The following LRMDA variants were observed in gnomAD, a reference collection of about 807,000 sequenced individuals.
LRMDA encodes the protein leucine rich melanocyte differentiation associated, also known as leucine-rich melanocyte differentiation-associated protein.
In LRMDA, 18 loss-of-function variants were observed where a neutral mutation model predicts 29.8. That is an observed-to-expected ratio of 0.60 (90% confidence interval 0.42 to 0.90). The LOEUF (loss-of-function observed/expected upper bound fraction) is 0.90. Among genes scored for constraint, LRMDA ranks in the 40% least tolerant of loss-of-function variants. The probability of loss-of-function intolerance (pLI) is 0.00; values close to 1 mark genes in which losing one functional copy is unlikely to be tolerated. For synonymous variants in LRMDA, 125 were observed against 109.4 expected, an observed-to-expected ratio of 1.14 and a Z score of -0.89; for missense variants, 273 against 273.9, an observed-to-expected ratio of 1.00 and a Z score of 0.02.
At chr10:75,506,010 T>C (rs1845165155) in intron 2 of LRMDA, among the ~76,000 whole-genome samples, 1 of 152,182 alleles carries the variant, frequency 6.6e-6, no homozygotes, top group Non-Finnish European at 1.5e-5. Flanking sequence ...AGTTTCATAG[T>C]GAGAAAACCT....
At chr10:75,951,064 A>G (rs1296027711) in intron 2 of LRMDA, among the ~76,000 whole-genome samples, 1 of 152,140 alleles carries the variant, frequency 6.6e-6, no homozygotes, top group Non-Finnish European at 1.5e-5. Flanking sequence ...TCCACGTGTC[A>G]TTCCTGGCAG....
At chr10:75,991,675 G>A (rs1847372610) in intron 2 of LRMDA, among the ~76,000 whole-genome samples, 1 of 152,368 alleles carries the variant, frequency 6.6e-6, no homozygotes, top group South Asian at 2.1e-4. Context: ...ACCTACTAGA[G>A]TTGATGAGTG....
At chr10:75,887,426 G>A (rs988026833) in intron 2 of LRMDA, among the ~76,000 whole-genome samples, 1 of 152,074 alleles carries the variant, frequency 6.6e-6, no homozygotes, top group Non-Finnish European at 1.5e-5. Context: ...GAGTGTTGAC[G>A]GAGGCCTGGG....
chr10:75,966,780 G>T (rs1436345733), intron 2 of LRMDA, among the ~76,000 whole-genome samples: 1 of 152,156 alleles, frequency 6.6e-6, no homozygotes, highest in East Asian at 1.9e-4. Flanking sequence ...TTGGTTTTGT[G>T]ACCTTGGGCA....
rs1005281040 is a variant in LRMDA at position 75,636,217 on chromosome 10, A to G, written c.131+197723A>G. On this transcript the variant is annotated intron_variant, in intron 2 of 6. Coordinates refer to ENST00000611255, the MANE Select transcript of LRMDA (RefSeq NM_001305581.2). ...ATATTGCATGGAACTTTCCTGCATA[A>G]GCTTTAGATTCAGACCTGAATTCAA... Among the ~76,000 whole-genome samples the G allele has an allele frequency of 2.0e-5, 3 of 152,360 alleles. No individual in the cohort carries two copies. In the South Asian group the frequency reaches 6.2e-4, roughly 32 times the overall value.
At chr10:75,847,207 G>T (rs1442886905) in intron 2 of LRMDA, among the ~76,000 whole-genome samples, 1 of 152,154 alleles carries the variant, frequency 6.6e-6, no homozygotes, top group Non-Finnish European at 1.5e-5. Context: ...ACCATTGTGT[G>T]TATGGTCAAA....
At chr10:76,439,409 T>C (rs1842278034) in intron 6 of LRMDA, among the ~76,000 whole-genome samples, 1 of 152,180 alleles carries the variant, frequency 6.6e-6, no homozygotes, top group Non-Finnish European at 1.5e-5. Flanking sequence ...TGTGGTTGGG[T>C]TGAGGGTGCA....
chr10:75,871,347 A>G (rs1213955870), intron 2 of LRMDA, among the ~76,000 whole-genome samples: 2 of 152,128 alleles, frequency 1.3e-5, no homozygotes, highest in Non-Finnish European at 2.9e-5. Flanking sequence ...GCCTGTGCAT[A>G]AGTTCAGTGT....
At chr10:75,695,439 T>G (rs1842222283) in intron 2 of LRMDA, among the ~76,000 whole-genome samples, 1 of 152,140 alleles carries the variant, frequency 6.6e-6, no homozygotes, top group South Asian at 2.1e-4. Context: ...TGTTTGCTTC[T>G]GCATTTCTGT....
chr10:75,812,435 T>C (rs1458091584), intron 2 of LRMDA, among the ~76,000 whole-genome samples: 1 of 152,144 alleles, frequency 6.6e-6, no homozygotes, highest in Non-Finnish European at 1.5e-5. Context: ...TATTTAGAGA[T>C]TTCTTTCTGC....
At chr10:76,257,602 G>A (rs1852620588) in intron 5 of LRMDA, among the ~76,000 whole-genome samples, 1 of 152,050 alleles carries the variant, frequency 6.6e-6, no homozygotes, top group Non-Finnish European at 1.5e-5. Context: ...CCAAAGTGCT[G>A]GGATTACAGG....
intron 6 of LRMDA, among the ~76,000 whole-genome samples, chr10:76,533,499 C>T (rs1843257560): frequency 1.3e-5 from 2 of 152,290 alleles, no homozygotes; most frequent in Admixed American, 1.3e-4. Flanking sequence ...CCCATGCTGG[C>T]CTCCAAGAAC....
At position 75,877,706 on chromosome 10, in the gene LRMDA, C is replaced by T. The variant is rs1845222345; in HGVS notation, c.132-158302C>T. ...AGGTAGTTAGTATAAAAATGTGCCACCTTCCTTAGTAAAAGCAAAACTCAG... is the reference window on the plus strand; with the variant it reads ...AGGTAGTTAGTATAAAAATGTGCCATCTTCCTTAGTAAAAGCAAAACTCAG... On this transcript the variant is annotated intron_variant, in intron 2 of 6. Transcript: ENST00000611255. Among the ~76,000 whole-genome samples the T allele has an allele frequency of 3.9e-5, 6 of 152,310 alleles. No individual in the cohort carries two copies. In the South Asian group the frequency reaches 1.2e-3, roughly 32 times the overall value.
chr10:76,076,019 C>T (rs1055162666), intron 5 of LRMDA, among the ~76,000 whole-genome samples: 1 of 152,144 alleles, frequency 6.6e-6, no homozygotes, highest in African/African-American at 2.4e-5. Flanking sequence ...CTGTAAAGTA[C>T]TTATTCCAGG....
At chr10:76,028,875 G>A (rs1219585010) in intron 2 of LRMDA, among the ~76,000 whole-genome samples, 1 of 147,822 alleles carries the variant, frequency 6.8e-6, no homozygotes, top group Non-Finnish European at 1.5e-5. Context: ...GAAGTACAGT[G>A]GCATGATCTC....
At chr10:75,673,317 A>G (rs1345265920) in intron 2 of LRMDA, among the ~76,000 whole-genome samples, 1 of 152,204 alleles carries the variant, frequency 6.6e-6, no homozygotes, top group East Asian at 1.9e-4. Context: ...GTCTAGCTGG[A>G]TGGTATACCG....
chr10:76,298,970 G>A (rs1007981668), intron 5 of LRMDA, among the ~76,000 whole-genome samples: 1 of 151,892 alleles, frequency 6.6e-6, no homozygotes, highest in African/African-American at 2.4e-5. Context: ...GGGTATTGTT[G>A]GTTGGCCACC....
At chr10:75,803,711 A>C (rs1173880839) in intron 2 of LRMDA, among the ~76,000 whole-genome samples, 2 of 152,216 alleles carry the variant, frequency 1.3e-5, no homozygotes, top group East Asian at 3.9e-4. Context: ...AGTATTGTCT[A>C]TTAATACTTG....
At chr10:76,343,934 C>T (rs886762652) in intron 6 of LRMDA, among the ~76,000 whole-genome samples, 3 of 151,448 alleles carry the variant, frequency 2.0e-5, no homozygotes, top group Admixed American at 6.6e-5. Flanking sequence ...TCCCCTGCCT[C>T]AGTCTCCTGA....
Sources: allele counts gnomAD v4.1 joint callset (sites outside exome capture counted in the v4.1 genomes callset), GRCh38; gene constraint gnomAD v4.1.1; transcripts MANE v1.5; gene names NCBI Gene and HGNC (gene_info 2026-07-23, HGNC 2026-07-21).